SPTB: variants seen among roughly 807,000 people sequenced by gnomAD.
SPTB encodes the protein spectrin beta, erythrocytic, also known as spectrin beta chain, erythrocytic.
In SPTB, 45 loss-of-function variants were observed where a neutral mutation model predicts 256.2. The observed-to-expected ratio is 0.18, with a 90% confidence interval of 0.14 to 0.23. The LOEUF (loss-of-function observed/expected upper bound fraction) is 0.23, where lower values mean the gene tolerates loss of function less well. SPTB is among the 10% of genes least tolerant of loss of function. The pLI is 1.00. For missense variants in SPTB, 2,715 were observed against 3,040.4 expected (o/e 0.89, Z 2.52); for synonymous variants, 1,231 against 1,243.1 (o/e 0.99, Z 0.21).
At chr14:64,821,741 A>G (rs976069707) in intron 2 of SPTB, among the ~76,000 whole-genome samples, 2 of 152,226 alleles carry the variant, frequency 1.3e-5, no homozygotes, top group Non-Finnish European at 2.9e-5. Context: ...TCCTGTAAAG[A>G]GCAAGGACAC....
At chr14:64,791,685 A>G (rs1480738122) in intron 15 of SPTB, 34 bp downstream of exon 15, 1 of 1,613,530 alleles carries the variant, frequency 6.2e-7, no homozygotes, top group Non-Finnish European at 8.5e-7. Context: ...GTTGAGAGAC[A>G]ATGCCCCCGC....
chr14:64,750,200 T>C (rs2064261512), intron 33 of SPTB, 46 bp from the exon 34 acceptor site: 1 of 1,584,552 alleles, frequency 6.3e-7, no homozygotes, highest in African/African-American at 1.3e-5. Flanking sequence ...TGATATGGTA[T>C]CTCTAGAGTC....
chr14:64,845,159 C>G lies in SPTB; in HGVS notation c.-51-22014G>C, dbSNP rs2083669700. On this transcript the variant is annotated intron_variant, in intron 1 of 35. Coordinates refer to ENST00000644917, the MANE Select transcript of SPTB (RefSeq NM_001355436.2). The surrounding 1 kb of genome is among the most constrained non-coding windows in gnomAD (Gnocchi z 4.8). ...ACTATCTGGGCATGGCAGAACTAGC[C>G]TGCTCCCTGTCATTATCTCTTTTAT... Among the ~76,000 whole-genome samples, 1 of 152,206 alleles carries G rather than the reference C, an allele frequency of 6.6e-6. No homozygotes were observed.
chr14:64,843,041 G>A (rs935403695), intron 1 of SPTB, among the ~76,000 whole-genome samples: 1 of 152,166 alleles, frequency 6.6e-6, no homozygotes, highest in Middle Eastern at 3.4e-3. Context: ...CTCCAGCCTG[G>A]GTGACAGAAT....
At chr14:64,804,024 G>A (rs999746715) in intron 3 of SPTB, among the ~76,000 whole-genome samples, 1 of 152,198 alleles carries the variant, frequency 6.6e-6, no homozygotes, top group East Asian at 1.9e-4. Context: ...GCTGAACAAA[G>A]CCCTCTGAGT....
chr14:64,787,212 C>G (rs2082588229), intron 15 of SPTB, 52 bp from the exon 16 acceptor site: 1 of 1,596,834 alleles, frequency 6.3e-7, no homozygotes, highest in South Asian at 1.1e-5. Context: ...TCCCTTAGCT[C>G]TTCTTCCCAT....
chr14:64,791,545 A>G lies in SPTB; in HGVS notation c.2804+174T>C, dbSNP rs573378318. On this transcript the variant is annotated intron_variant, in intron 15 of 35. Transcript: ENST00000644917. ...CGCACCACTGCACTCCAGCCTGGGT[A>G]AAAGAGTGAGGTTCTGTGTCAAAAA... Among the ~76,000 whole-genome samples, 238 of 147,502 alleles carry G rather than the reference A, an allele frequency of 1.6e-3. 1 individual carries two copies. The highest frequency in any genetic ancestry group is 5.4e-4 in the Non-Finnish European group (36 of 67,070).
rs748999208 is a variant in SPTB, at chr14:64,785,813, G to A, written c.3700C>T (p.Leu1234=). 7 of 1,614,090 alleles carry A rather than the reference G, an allele frequency of 4.3e-6. No homozygotes were observed. Among genetic ancestry groups the A allele is most frequent in the Non-Finnish European group, 5.9e-6 (7 of 1,180,020 alleles). The change falls in exon 17 of 36, where the codon CTG becomes TTG. Residue 1234 remains leucine, a synonymous_variant. Coordinates refer to ENST00000644917, the MANE Select transcript of SPTB (RefSeq NM_001355436.2). The surrounding 1 kb of genome is among the most constrained non-coding windows in gnomAD (Gnocchi z 4.4). ...GAGTATAGGTTTCCCTCAGCTACCA[G>A]CTTGTTTCCAGAGTCCACAGGACTC... ...VLSPVDSGNK[L]VAEGNLYSDK...
At chr14:64,798,969 G>A (rs2082828819) in intron 9 of SPTB, among the ~76,000 whole-genome samples, 1 of 152,240 alleles carries the variant, frequency 6.6e-6, no homozygotes, top group South Asian at 2.1e-4. Flanking sequence ...GTGTGTGCAT[G>A]TGCACATGCA....
rs567922494 is a variant in SPTB, at chr14:64,875,275, G to C, written c.-52+4517C>G. On this transcript the variant is annotated intron_variant, in intron 1 of 35. Coordinates refer to ENST00000644917, the MANE Select transcript of SPTB (RefSeq NM_001355436.2). ...ATTTTCTGTCTATGACCACCTCTAA[G>C]ACTACGTGAGCTATAAAGGCTAGGG... 2.7e-4 allele frequency among the ~76,000 whole-genome samples: 41 copies of C among 152,320 alleles called. No homozygotes were observed. In the East Asian group the frequency reaches 7.3e-3, roughly 27 times the overall value.
chr14:64,811,314 A>G (rs751172370), intron 2 of SPTB, among the ~76,000 whole-genome samples: 56 of 152,360 alleles, frequency 3.7e-4, no homozygotes, highest in Middle Eastern at 3.4e-3. Context: ...AAAAAATTGT[A>G]CAAGTCACTC....
chr14:64,793,472 G>C lies in SPTB; in HGVS notation c.2191C>G (p.Leu731Val), dbSNP rs1471286182. 2 of 1,614,124 alleles carry C rather than the reference G, an allele frequency of 1.2e-6. No homozygotes were observed. Among genetic ancestry groups the C allele is most frequent in the Non-Finnish European group, 1.7e-6 (2 of 1,180,044 alleles). Residue 731 changes from leucine (L) to valine (V), a missense_variant, in exon 14 of 36, where the codon CTG (leucine) becomes GTG (valine). Coordinates refer to ENST00000644917, the MANE Select transcript of SPTB (RefSeq NM_001355436.2). The surrounding 1 kb of genome is among the most constrained non-coding windows in gnomAD (Gnocchi z 7.0). ...AGGTTCTTCTTGCAGAAGGCAGCCA[G>C]GTCCTTCAGCTGGTCCCACTGTGCC... ...VSAQWDQLKD[L>V]AAFCKKNLQD...
intron 1 of SPTB, among the ~76,000 whole-genome samples, chr14:64,837,819 T>C (rs899586520): frequency 1.9e-4 from 29 of 152,158 alleles, no homozygotes; most frequent in African/African-American, 6.5e-4. Flanking sequence ...CAGGCAGGTC[T>C]CAAACTCCTG....
At chr14:64,813,308 C>T (rs556385771) in intron 2 of SPTB, among the ~76,000 whole-genome samples, 1 of 152,202 alleles carries the variant, frequency 6.6e-6, no homozygotes, top group Non-Finnish European at 1.5e-5. Context: ...CAGTCGCTCA[C>T]AGCCTTAAGC....
Position 64,784,487 on chromosome 14 carries a change from C to T in SPTB, c.3856-94G>A. ...ATCCCTGGCTGCAGAAGGAGAAGGC[C>T]ATGGGGAGGAAGTGCAAGCACAGAA... On this transcript the variant is annotated intron_variant, in intron 18 of 35. Transcript: ENST00000644917. 1.3e-6 allele frequency: 2 copies of T among 1,524,472 alleles called. 1 individual carries two copies. Among genetic ancestry groups the T allele is most frequent in the Non-Finnish European group, 1.8e-6 (2 of 1,109,424 alleles). 94.4% of individuals were successfully genotyped at this position (1,524,472 alleles called of 1,614,324 possible). A position where few individuals can be genotyped will look rare whatever the true frequency, so the allele number is the denominator to read the frequency against.
At chr14:64,821,525 A>G (rs540554811) in intron 2 of SPTB, among the ~76,000 whole-genome samples, 1 of 152,314 alleles carries the variant, frequency 6.6e-6, no homozygotes, top group South Asian at 2.1e-4. Context: ...CGCCAGGGTC[A>G]TTGCAGCTAG....
chr14:64,763,696 C>T, intron 32 of SPTB: 2 of 517,104 alleles, frequency 3.9e-6, no homozygotes, highest in Non-Finnish European at 3.9e-6. Flanking sequence ...GACTTCCCCT[C>T]CAGCAGTTTT....
chr14:64,762,479 A>T (rs2082108807), intron 32 of SPTB, among the ~76,000 whole-genome samples: 1 of 152,238 alleles, frequency 6.6e-6, no homozygotes, highest in Non-Finnish European at 1.5e-5. Context: ...GGAGCCAGCC[A>T]GACACCGGCC....
At chr14:64,842,493 G>A (rs1379961261) in intron 1 of SPTB, among the ~76,000 whole-genome samples, 1 of 152,156 alleles carries the variant, frequency 6.6e-6, no homozygotes, top group African/African-American at 2.4e-5. Context: ...GGAGCCCTAG[G>A]CCATTTACTT....
Sources: allele counts gnomAD v4.1 joint callset (sites outside exome capture counted in the v4.1 genomes callset), GRCh38; gene constraint gnomAD v4.1.1; non-coding constraint Gnocchi (gnomAD v3.1); transcripts MANE v1.5; gene names NCBI Gene and HGNC (gene_info 2026-07-23, HGNC 2026-07-21).